Variants in DYM observed in about 807,000 individuals in gnomAD.
The protein encoded by DYM is dyggve-Melchior-Clausen syndrome protein.
DYM carries 78 observed loss-of-function variants against 93.1 expected under a neutral mutation model. The ratio of observed to expected loss-of-function variants is 0.84; its 90% confidence interval spans 0.70 to 1.01. The LOEUF (loss-of-function observed/expected upper bound fraction) is 1.01, where lower values mean the gene tolerates loss of function less well. Ranked by LOEUF, DYM falls within the 50% of genes least tolerant of loss-of-function variation. The pLI, the probability that DYM is intolerant of heterozygous loss-of-function variation, is 0.00. For synonymous variants in DYM, 321 were observed against 319.7 expected (o/e 1.00, Z -0.04); for missense variants, 789 against 845.0 (o/e 0.93, Z 0.82).
At chr18:49,373,055 C>G (rs1252378934) in intron 5 of DYM, among the ~76,000 whole-genome samples, 1 of 151,714 alleles carries the variant, frequency 6.6e-6, no homozygotes, top group Admixed American at 6.6e-5. Context: ...ATTTGGACCC[C>G]AAAATAAATA....
chr18:49,322,936 A>G (rs935406302), intron 8 of DYM, among the ~76,000 whole-genome samples: 11 of 152,196 alleles, frequency 7.2e-5, no homozygotes, highest in South Asian at 4.1e-4. Flanking sequence ...TAATAGCCCA[A>G]GAACACTCAG....
chr18:49,366,692 AAATATTTT>A (rs1273502805), intron 5 of DYM, among the ~76,000 whole-genome samples: 2 of 152,226 alleles, frequency 1.3e-5, no homozygotes, highest in Non-Finnish European at 2.9e-5. Context: ...AGGTCCAGAC[AAATATTTT>A]AATATTTTAA....
At chr18:49,426,059 G>A (rs901749961) in intron 2 of DYM, among the ~76,000 whole-genome samples, 2 of 152,102 alleles carry the variant, frequency 1.3e-5, no homozygotes. Context: ...TATACCCACA[G>A]GACCGTAAAG....
intron 17 of DYM, among the ~76,000 whole-genome samples, chr18:49,047,547 C>T (rs908189284): frequency 2.0e-5 from 3 of 152,178 alleles, no homozygotes; most frequent in African/African-American, 7.2e-5. Flanking sequence ...TCTCAGCTGA[C>T]ACCTAAGGCC....
intron 17 of DYM, among the ~76,000 whole-genome samples, chr18:49,046,546 AACAC>A (rs1295375938): frequency 6.6e-6 from 1 of 151,546 alleles, no homozygotes; most frequent in African/African-American, 2.4e-5. Context: ...ACACAGACAC[AACAC>A]ACACAGACAC....
At chr18:49,344,200 C>T (rs563331341) in intron 6 of DYM, among the ~76,000 whole-genome samples, 12 of 152,188 alleles carry the variant, frequency 7.9e-5, no homozygotes, top group African/African-American at 2.9e-4. Context: ...CAGAAAAACC[C>T]TGGAACAGCC....
At chr18:49,081,782 C>T (rs2078064142) in intron 17 of DYM, among the ~76,000 whole-genome samples, 1 of 152,208 alleles carries the variant, frequency 6.6e-6, no homozygotes, top group Non-Finnish European at 1.5e-5. Flanking sequence ...CTCAACTTCT[C>T]TTTTCTGGTT....
chr18:49,414,575 G>A (rs143810359), intron 2 of DYM, among the ~76,000 whole-genome samples: 135 of 152,150 alleles, frequency 8.9e-4, no homozygotes, highest in African/African-American at 2.4e-3. Flanking sequence ...TCTGCTACAC[G>A]GGCCTTTTGC....
intron 14 of DYM, among the ~76,000 whole-genome samples, chr18:49,203,553 C>T (rs12604934): frequency 0.075 from 10,732 of 143,338 alleles, 658 homozygotes; most frequent in East Asian, 0.29. Flanking sequence ...GTGACCTTAC[C>T]CCCAACCCTG....
intron 13 of DYM, among the ~76,000 whole-genome samples, chr18:49,230,644 G>A (rs2093668303): frequency 1.3e-5 from 2 of 152,108 alleles, no homozygotes; most frequent in African/African-American, 2.4e-5. Context: ...CAAACAAAAG[G>A]CTTATTAGAG....
intron 15 of DYM, among the ~76,000 whole-genome samples, chr18:49,148,446 C>G (rs1051206295): frequency 1.3e-5 from 2 of 151,894 alleles, no homozygotes; most frequent in African/African-American, 4.8e-5. Context: ...TTTGTAGACA[C>G]AGGGTCTCCC....
chr18:49,219,917 C>CAGT (rs532119657), intron 13 of DYM, among the ~76,000 whole-genome samples: 2 of 133,964 alleles, frequency 1.5e-5, no homozygotes, highest in Non-Finnish European at 1.6e-5. Flanking sequence ...GGCAATTAGG[C>CAGT]AGAAGGAAAT....
intron 2 of DYM, among the ~76,000 whole-genome samples, chr18:49,429,819 A>G (rs1288969652): frequency 6.6e-6 from 1 of 152,226 alleles, no homozygotes; most frequent in Non-Finnish European, 1.5e-5. Context: ...CCAATTAAAT[A>G]TATTCTACAG....
intron 16 of DYM, among the ~76,000 whole-genome samples, chr18:49,105,773 C>T (rs1294902234): frequency 1.3e-5 from 2 of 152,154 alleles, no homozygotes; most frequent in Non-Finnish European, 2.9e-5. Flanking sequence ...GTCTGAGAGA[C>T]AGTTTGTTAT....
chr18:49,219,452 A>G (rs994504477), intron 13 of DYM, among the ~76,000 whole-genome samples: 4 of 152,284 alleles, frequency 2.6e-5, no homozygotes, highest in Middle Eastern at 3.4e-3. Flanking sequence ...AGACACAACC[A>G]AAAAAGAGAA....
At chr18:49,052,205 T>G (rs2075087569) in intron 17 of DYM, among the ~76,000 whole-genome samples, 1 of 152,158 alleles carries the variant, frequency 6.6e-6, no homozygotes, top group Non-Finnish European at 1.5e-5. Context: ...GGGTGAACAC[T>G]AGGCATAAAT....
At chr18:49,134,908 A>C (rs890023504) in intron 15 of DYM, among the ~76,000 whole-genome samples, 1 of 152,168 alleles carries the variant, frequency 6.6e-6, no homozygotes, top group Non-Finnish European at 1.5e-5. Flanking sequence ...GGAGTTCGAG[A>C]CCAGCCTGGT....
chr18:49,088,846 C>T (rs554431965), intron 17 of DYM, among the ~76,000 whole-genome samples: 1 of 152,124 alleles, frequency 6.6e-6, no homozygotes, highest in Non-Finnish European at 1.5e-5. Flanking sequence ...GGGTGGAGTA[C>T]AGTGGTAGGA....
intron 14 of DYM, among the ~76,000 whole-genome samples, chr18:49,204,935 T>A (rs2092391409): frequency 6.6e-6 from 1 of 152,226 alleles, no homozygotes; most frequent in South Asian, 2.1e-4. Flanking sequence ...CAGAACAAGA[T>A]AAATTCAATA....
Sources: gnomAD v4.1 joint callset for allele counts (sites outside exome capture counted in the v4.1 genomes callset) on GRCh38, gnomAD v4.1.1 for gene constraint, MANE v1.5 for transcripts, NCBI Gene and HGNC (gene_info 2026-07-23, HGNC 2026-07-21) for gene names.